Variants in PDE7A observed in about 807,000 individuals in gnomAD.
The protein encoded by PDE7A is high affinity 3',5'-cyclic-AMP phosphodiesterase 7A.
PDE7A carries 39 observed loss-of-function variants against 64.3 expected under a neutral mutation model. The observed-to-expected ratio is 0.61, with a 90% confidence interval of 0.47 to 0.79. PDE7A has a LOEUF of 0.79. Among genes scored for constraint, PDE7A ranks in the 30% least tolerant of loss-of-function variants. The pLI, the probability that PDE7A is intolerant of heterozygous loss-of-function variation, is 0.00. For synonymous variants in PDE7A, 203 were observed against 206.8 expected (o/e 0.98, Z 0.16); for missense variants, 470 against 582.8 (o/e 0.81, Z 1.99).
At chr8:65,730,167 A>ACTG (rs1806797375) in intron 7 of PDE7A, among the ~76,000 whole-genome samples, 1 of 29,172 alleles carries the variant, frequency 3.4e-5, no homozygotes, top group Non-Finnish European at 6.7e-5. Flanking sequence ...CAGGTTGCGC[A>ACTG]CTTCTTTTTT....
intron 7 of PDE7A, among the ~76,000 whole-genome samples, chr8:65,729,124 C>T (rs969879561): frequency 6.6e-6 from 1 of 152,042 alleles, no homozygotes; most frequent in Non-Finnish European, 1.5e-5. Flanking sequence ...GTGATTACAT[C>T]TGTTAAGAGC....
At chr8:65,757,974 AT>A (rs529334882) in intron 3 of PDE7A, among the ~76,000 whole-genome samples, 169 of 152,282 alleles carry the variant, frequency 1.1e-3, no homozygotes, top group African/African-American at 3.8e-3. Context: ...CCACTTACTC[AT>A]TTATTTACCC....
At position 65,729,364 on chromosome 8, in the gene PDE7A, C is replaced by CTTTTTTTTTTT. The variant is rs10540107; in HGVS notation, c.697-2074_697-2064dup. ...TCACAGTGAGTTTCGTTGGTGGTAG[C>CTTTTTTTTTTT]TTTTTTTTTTTTTTTTTTTTTTTGG... is the stretch of plus-strand genomic sequence containing the variant. On this transcript the variant is annotated intron_variant, in intron 7 of 12. Transcript: ENST00000401827. 3.7e-5 allele frequency among the ~76,000 whole-genome samples: 3 copies of CTTTTTTTTTTT among 80,076 alleles called. 1 individual carries two copies. Among genetic ancestry groups the CTTTTTTTTTTT allele is most frequent in the Non-Finnish European group, 6.9e-5 (3 of 43,682 alleles). 52.5% of individuals were successfully genotyped at this position (80,076 alleles called of 152,430 possible).
At chr8:65,814,002 T>C (rs1810317809) in intron 1 of PDE7A, among the ~76,000 whole-genome samples, 1 of 152,212 alleles carries the variant, frequency 6.6e-6, no homozygotes, top group African/African-American at 2.4e-5. Flanking sequence ...AAATTGCTAA[T>C]AAATGGTCAG....
intron 3 of PDE7A, among the ~76,000 whole-genome samples, chr8:65,754,494 T>C (rs1808122364): frequency 6.6e-6 from 1 of 151,364 alleles, no homozygotes; most frequent in Non-Finnish European, 1.5e-5. Flanking sequence ...CCCACCACCA[T>C]GCCCAACTAA....
chr8:65,780,334 A>G (rs183636426), intron 2 of PDE7A, among the ~76,000 whole-genome samples: 200 of 152,354 alleles, frequency 1.3e-3, no homozygotes, highest in Middle Eastern at 3.4e-3. Context: ...AATTTCATAG[A>G]TGTGTAAAAA....
rs1440537979 is a variant in PDE7A, at chr8:65,772,179, C to A, written c.283+7541G>T. On this transcript the variant is annotated intron_variant, in intron 3 of 12. Transcript: ENST00000401827. ...AGTTTAGGATAAAAGTAAACAGGTG[C>A]AGAAAATAAGTGGGTTGAGGAGCTG... is the stretch of plus-strand genomic sequence containing the variant. 2.0e-5 allele frequency among the ~76,000 whole-genome samples: 3 copies of A among 152,204 alleles called. No homozygotes were observed. The East Asian group carries it at 5.8e-4, about 29-fold the overall frequency.
intron 1 of PDE7A, 120 bp from the exon 2 acceptor site, chr8:65,782,963 A>G (rs904365782): frequency 6.4e-6 from 4 of 622,718 alleles, no homozygotes; most frequent in Non-Finnish European, 1.1e-5. Context: ...AGTTGGATAC[A>G]CAAAATGAAA....
chr8:65,798,044 A>T (rs1000128510), intron 1 of PDE7A, among the ~76,000 whole-genome samples: 6 of 150,364 alleles, frequency 4.0e-5, no homozygotes, highest in African/African-American at 1.2e-4. Context: ...TCTTCAAAAC[A>T]CAGTGTTAAG....
intron 3 of PDE7A, among the ~76,000 whole-genome samples, chr8:65,751,524 T>G (rs1384285380): frequency 6.6e-6 from 1 of 152,116 alleles, no homozygotes. Context: ...CCATTCTTGT[T>G]GTTCATTCTT....
intron 6 of PDE7A, 89 bp downstream of exon 6, chr8:65,739,413 A>G: frequency 7.3e-7 from 1 of 1,379,006 alleles, no homozygotes; most frequent in Non-Finnish European, 9.5e-7. Flanking sequence ...TTATAGAGCA[A>G]TAGCTAACCG....
chr8:65,771,614 G>A (rs1016532591), intron 3 of PDE7A, among the ~76,000 whole-genome samples: 7 of 152,076 alleles, frequency 4.6e-5, no homozygotes, highest in Non-Finnish European at 7.4e-5. Context: ...GGTGGCTCAC[G>A]CATGTAATCC....
chr8:65,796,499 C>G (rs558546240), intron 1 of PDE7A, among the ~76,000 whole-genome samples: 1 of 152,098 alleles, frequency 6.6e-6, no homozygotes, highest in African/African-American at 2.4e-5. Flanking sequence ...AAAGGAAATA[C>G]ATTATGAGAA....
chr8:65,775,896 T>C (rs560941232), intron 3 of PDE7A, among the ~76,000 whole-genome samples: 1 of 152,326 alleles, frequency 6.6e-6, no homozygotes, highest in East Asian at 1.9e-4. Flanking sequence ...TCCAAAGTGC[T>C]AGATTACGGG....
intron 1 of PDE7A, among the ~76,000 whole-genome samples, chr8:65,791,445 A>G (rs1809699991): frequency 6.6e-6 from 1 of 152,238 alleles, no homozygotes; most frequent in Non-Finnish European, 1.5e-5. Flanking sequence ...CCTAGAAATG[A>G]GAATGCCCTA....
chr8:65,741,574 G>C (rs1807439425), intron 5 of PDE7A, among the ~76,000 whole-genome samples: 1 of 152,114 alleles, frequency 6.6e-6, no homozygotes, highest in Non-Finnish European at 1.5e-5. Context: ...CATGTGGAAA[G>C]AAAAAAGCAT....
chr8:65,788,850 A>T (rs762233308), intron 1 of PDE7A: 1 of 1,398,404 alleles, frequency 7.2e-7, no homozygotes, highest in African/African-American at 1.4e-5. Flanking sequence ...CTAATGATGA[A>T]TGTCACCATC....
intron 1 of PDE7A, among the ~76,000 whole-genome samples, chr8:65,815,830 C>A (rs1383893865): frequency 1.3e-5 from 2 of 152,146 alleles, no homozygotes; most frequent in Non-Finnish European, 2.9e-5. Context: ...TGTCATATCA[C>A]AGAATTTTCA....
At chr8:65,786,819 C>A (rs954895269) in intron 1 of PDE7A, among the ~76,000 whole-genome samples, 1 of 152,098 alleles carries the variant, frequency 6.6e-6, no homozygotes, top group Non-Finnish European at 1.5e-5. Flanking sequence ...GCTTGTAAAG[C>A]GAACTAGTAT....
Sources: allele counts gnomAD v4.1 joint callset (sites outside exome capture counted in the v4.1 genomes callset), GRCh38; gene constraint gnomAD v4.1.1; transcripts MANE v1.5; gene names NCBI Gene and HGNC (gene_info 2026-07-23, HGNC 2026-07-21).